Variants in STAU2 observed in about 807,000 individuals in gnomAD.
STAU2 encodes staufen double-stranded RNA binding protein 2.
Under a neutral mutation model 65.9 loss-of-function variants are expected in STAU2, and 20 were observed. The ratio of observed to expected loss-of-function variants is 0.30; its 90% CI spans 0.21 to 0.44. The LOEUF is 0.44. Ranked by LOEUF, STAU2 falls within the 20% of genes least tolerant of loss-of-function variation. The probability of loss-of-function intolerance (pLI) is 1.00; values close to 1 mark genes in which losing one functional copy is unlikely to be tolerated. For synonymous variants in STAU2, 232 were observed against 233.9 expected, an observed-to-expected ratio of 0.99 and a Z score of 0.07; for missense variants, 558 against 683.9, an observed-to-expected ratio of 0.82 and a Z score of 2.05.
At chr8:73,597,619 G>C (rs1256209810) in intron 10 of STAU2, among the ~76,000 whole-genome samples, 11 of 136,878 alleles carry the variant, frequency 8.0e-5, no homozygotes, top group African/African-American at 2.7e-4. Context: ...GCAGTGAGCC[G>C]AGATCATGCT....
At chr8:73,728,077 T>A (rs1311403255) in intron 3 of STAU2, 1 of 152,180 alleles carries the variant, frequency 6.6e-6, no homozygotes, top group East Asian at 1.9e-4. Flanking sequence ...TAAGTTTTCG[T>A]TCTTGTATTT....
intron 10 of STAU2, 50 bp from the exon 11 acceptor site, chr8:73,595,347 A>C: frequency 6.7e-7 from 1 of 1,501,480 alleles, no homozygotes; most frequent in Non-Finnish European, 8.9e-7. Flanking sequence ...TGATAAATTT[A>C]AACAGGAAGT....
At chr8:73,428,064 A>G (rs1816958996) in intron 13 of STAU2, among the ~76,000 whole-genome samples, 1 of 152,128 alleles carries the variant, frequency 6.6e-6, no homozygotes, top group Non-Finnish European at 1.5e-5. Flanking sequence ...TAGATGTCCA[A>G]AAAAATCAAA....
At chr8:73,728,986 GCCTTGTT>G (rs796175770) in intron 3 of STAU2, among the ~76,000 whole-genome samples, 13 of 152,240 alleles carry the variant, frequency 8.5e-5, no homozygotes, top group African/African-American at 3.1e-4. Flanking sequence ...GGGTATCCGT[GCCTTGTT>G]CCTGATCATA....
In STAU2 at chr8:73,596,069, G is replaced by A. The variant is rs376726290; in HGVS notation, c.1030-772C>T. ...AGAGGTTGCAGTGAGCCACGATTGC[G>A]CCACTGCACTCCAGCCTGGGGCCAC... On this transcript the variant is annotated intron_variant, in intron 10 of 14. Transcript: ENST00000524300. Among the ~76,000 whole-genome samples the A allele has an allele frequency of 8.0e-5, 12 of 150,726 alleles. 1 individual carries two copies. In the East Asian group the frequency reaches 9.7e-4, roughly 12 times the overall value.
At chr8:73,476,837 T>C (rs1483700913) in intron 13 of STAU2, among the ~76,000 whole-genome samples, 1 of 152,180 alleles carries the variant, frequency 6.6e-6, no homozygotes, top group Non-Finnish European at 1.5e-5. Context: ...AGTGGACACA[T>C]GGAGACAAAC....
At chr8:73,491,155 T>C (rs1387052747) in intron 13 of STAU2, among the ~76,000 whole-genome samples, 5 of 152,050 alleles carry the variant, frequency 3.3e-5, no homozygotes, top group Admixed American at 2.6e-4. Context: ...ATATTTACTT[T>C]GCTGTTGTCA....
At chr8:73,427,910 T>C in intron 13 of STAU2, among the ~76,000 whole-genome samples, 1 of 152,242 alleles carries the variant, frequency 6.6e-6, no homozygotes. Context: ...AAGTGGACAA[T>C]TACATTTGAA....
intron 13 of STAU2, chr8:73,527,654 G>T: frequency 6.7e-7 from 1 of 1,484,002 alleles, no homozygotes; most frequent in Non-Finnish European, 9.1e-7. Context: ...TTCCGAGCTG[G>T]GCCATAACAC....
intron 13 of STAU2, among the ~76,000 whole-genome samples, chr8:73,514,884 T>C (rs772296446): frequency 6.6e-6 from 1 of 152,208 alleles, no homozygotes; most frequent in Admixed American, 6.5e-5. Context: ...TGCCTCCAAC[T>C]TTTAATTATA....
intron 3 of STAU2, among the ~76,000 whole-genome samples, chr8:73,727,245 T>C (rs564860605): frequency 6.6e-6 from 1 of 152,106 alleles, no homozygotes; most frequent in East Asian, 1.9e-4. Flanking sequence ...AATAAATAAA[T>C]AAAAAATAAA....
At chr8:73,700,848 GACC>G (rs1362339378) in intron 4 of STAU2, among the ~76,000 whole-genome samples, 1 of 151,850 alleles carries the variant, frequency 6.6e-6, no homozygotes, top group Non-Finnish European at 1.5e-5. Context: ...TAACTGGAGG[GACC>G]ACATTATCTG....
chr8:73,715,807 T>C (rs1162661599), intron 3 of STAU2, among the ~76,000 whole-genome samples: 3 of 152,202 alleles, frequency 2.0e-5, no homozygotes, highest in East Asian at 1.9e-4. Flanking sequence ...ACATGAATCA[T>C]GCAGCTTTGA....
chr8:73,710,861 A>C (rs1820842738), intron 3 of STAU2, among the ~76,000 whole-genome samples: 1 of 151,982 alleles, frequency 6.6e-6, no homozygotes, highest in Non-Finnish European at 1.5e-5. Context: ...AATGAATGAA[A>C]ATGGCTGGCT....
At chr8:73,551,312 A>G in intron 13 of STAU2, 1 of 987,350 alleles carries the variant, frequency 1.0e-6, no homozygotes, top group East Asian at 1.1e-4. Context: ...CACATACACA[A>G]CAAGTTAAGT....
chr8:73,513,670 T>C (rs1006559916), intron 13 of STAU2, among the ~76,000 whole-genome samples: 8 of 152,154 alleles, frequency 5.3e-5, no homozygotes, highest in African/African-American at 1.9e-4. Flanking sequence ...TTCTGGCTAG[T>C]CTGCTGATAC....
chr8:73,547,228 C>T (rs1393780341), intron 13 of STAU2, among the ~76,000 whole-genome samples: 1 of 152,168 alleles, frequency 6.6e-6, no homozygotes, highest in African/African-American at 2.4e-5. Context: ...AGTATCATAG[C>T]AACATAGTTT....
chr8:73,725,352 T>C (rs1805549797), intron 3 of STAU2, among the ~76,000 whole-genome samples: 1 of 152,246 alleles, frequency 6.6e-6, no homozygotes, highest in South Asian at 2.1e-4. Context: ...CCTTCAAATA[T>C]CATTCCACTT....
At chr8:73,521,796 A>G (rs1353521551) in intron 13 of STAU2, among the ~76,000 whole-genome samples, 2 of 152,152 alleles carry the variant, frequency 1.3e-5, no homozygotes, top group African/African-American at 4.8e-5. Flanking sequence ...CATTAAATCC[A>G]TTTTCTACTT....
Sources: gnomAD v4.1 joint callset for allele counts (sites outside exome capture counted in the v4.1 genomes callset) on GRCh38, gnomAD v4.1.1 for gene constraint, MANE v1.5 for transcripts, NCBI Gene and HGNC (gene_info 2026-07-23, HGNC 2026-07-21) for gene names.